DOCK1: variants seen among roughly 807,000 people sequenced by gnomAD.
DOCK1 encodes the protein dedicator of cytokinesis protein 1.
A neutral mutation model predicts 262.7 loss-of-function variants in DOCK1; 138 were observed. The observed-to-expected ratio is 0.53, with a 90% CI of 0.46 to 0.61. DOCK1 has a LOEUF of 0.61. DOCK1 is among the 20% of genes least tolerant of loss of function. The pLI is 0.00. For synonymous variants in DOCK1, 866 were observed against 867.4 expected (o/e 1.00, Z 0.03); for missense variants, 1,908 against 2,370.7 (o/e 0.80, Z 4.05).
intron 26 of DOCK1, 90 bp from the exon 27 acceptor site, chr10:127,127,579 T>A (rs982692527): frequency 2.9e-6 from 3 of 1,020,662 alleles, no homozygotes; most frequent in Non-Finnish European, 2.9e-6. Flanking sequence ...GATTTACTCT[T>A]TACAGGGTAA....
chr10:127,227,911 G>A (rs866307825), intron 27 of DOCK1, among the ~76,000 whole-genome samples: 4 of 152,274 alleles, frequency 2.6e-5, no homozygotes, highest in Middle Eastern at 3.4e-3. Flanking sequence ...GGACTAAGCT[G>A]AGAATAAATT....
intron 26 of DOCK1, among the ~76,000 whole-genome samples, chr10:127,126,584 T>C (rs2049977414): frequency 6.6e-6 from 1 of 151,902 alleles, no homozygotes. Flanking sequence ...AAAGAAAAAA[T>C]AAAAAGCAAG....
intron 27 of DOCK1, among the ~76,000 whole-genome samples, chr10:127,159,851 C>T (rs2053434661): frequency 6.6e-6 from 1 of 152,094 alleles, no homozygotes; most frequent in Non-Finnish European, 1.5e-5. Flanking sequence ...GCACCATGGC[C>T]ACGTCCTGGG....
At chr10:127,118,358 G>C (rs1282976435) in intron 25 of DOCK1, among the ~76,000 whole-genome samples, 1 of 151,998 alleles carries the variant, frequency 6.6e-6, no homozygotes, top group African/African-American at 2.4e-5. Flanking sequence ...TGATAAATGG[G>C]ACTCATTTGC....
intron 21 of DOCK1, among the ~76,000 whole-genome samples, chr10:127,051,125 G>A (rs2044695823): frequency 6.6e-6 from 1 of 151,880 alleles, no homozygotes; most frequent in African/African-American, 2.4e-5. Context: ...CAATTTTTGT[G>A]TATTCCAAAG....
intron 29 of DOCK1, among the ~76,000 whole-genome samples, chr10:127,261,809 G>GC (rs1184376408): frequency 1.5e-4 from 19 of 130,164 alleles, no homozygotes; most frequent in African/African-American, 5.1e-4. Flanking sequence ...ATGTGGGTGT[G>GC]GGTGTGTACC....
rs919029784 is a variant in DOCK1, at chr10:127,451,882, G to A, written c.*455G>A. 4.1e-5 allele frequency: 7 copies of A among 170,832 alleles called. No individual in the cohort carries two copies. Among genetic ancestry groups the A allele is most frequent in the African/African-American group, 1.7e-4 (7 of 41,984 alleles). The allele number at this position is 170,832 out of a possible 1,614,324, so 10.6% of individuals were successfully genotyped here. On this transcript the variant is annotated 3_prime_UTR_variant, in exon 52 of 52. Transcript: ENST00000623213. ...GGGATGTTGTATCCAGCCCCTCCTT[G>A]TTCCAGCCGGTGGTGTGACTTCGTT...
intron 28 of DOCK1, among the ~76,000 whole-genome samples, chr10:127,255,599 C>G (rs937273706): frequency 1.3e-5 from 2 of 152,150 alleles, no homozygotes; most frequent in African/African-American, 2.4e-5. Flanking sequence ...GGACGCCTTG[C>G]AGAACCTCAT....
chr10:127,238,702 G>C (rs557981303), intron 27 of DOCK1, among the ~76,000 whole-genome samples: 2 of 152,094 alleles, frequency 1.3e-5, no homozygotes, highest in African/African-American at 4.8e-5. Flanking sequence ...ACCACCTCCT[G>C]TGTCCTTTTG....
rs1175942298 is a variant in DOCK1 at position 127,361,106 on chromosome 10, CTTTTTTTTTTTT to C, written c.3284-944_3284-933del. Among the ~76,000 whole-genome samples the C allele has an allele frequency of 2.9e-4, 25 of 87,428 alleles. 1 individual carries two copies. In the South Asian group the frequency reaches 9.5e-3, roughly 33 times the overall value. The allele number at this position is 87,428 out of a possible 152,430, so 57.4% of individuals were successfully genotyped here. A position where few individuals can be genotyped will look rare whatever the true frequency, so the allele number is the denominator to read the frequency against. The stretch of plus-strand genomic sequence containing the variant: ...GTGAAATGAGATTAATAAAGTAGTT[CTTTTTTTTTTTT>C]TTTTTTTTTTTTTGAGACAGAGTCT... On this transcript the variant is annotated intron_variant, in intron 32 of 51. Coordinates refer to ENST00000623213, the MANE Select transcript of DOCK1 (RefSeq NM_001290223.2).
chr10:127,134,508 G>T (rs2050530558), intron 27 of DOCK1, among the ~76,000 whole-genome samples: 1 of 152,204 alleles, frequency 6.6e-6, no homozygotes. Flanking sequence ...AGGAGCAGAT[G>T]CAGGACTACA....
At chr10:127,168,587 C>T (rs2054288013) in intron 27 of DOCK1, among the ~76,000 whole-genome samples, 2 of 152,200 alleles carry the variant, frequency 1.3e-5, no homozygotes. Flanking sequence ...CTCCTCTCCT[C>T]AAAATTGGGC....
intron 27 of DOCK1, among the ~76,000 whole-genome samples, chr10:127,234,235 A>G (rs1476833321): frequency 6.6e-6 from 1 of 152,186 alleles, no homozygotes; most frequent in Non-Finnish European, 1.5e-5. Flanking sequence ...TAGAAAAGAC[A>G]ACACAAAAAT....
At position 127,069,027 on chromosome 10, in the gene DOCK1, A is replaced by G. The variant is rs139448472; in HGVS notation, c.2445+7251A>G. 1.5e-3 allele frequency among the ~76,000 whole-genome samples: 226 copies of G among 152,348 alleles called. 10 individuals carry two copies. The East Asian group carries it at 0.043, about 29-fold the overall frequency. On this transcript the variant is annotated intron_variant, in intron 23 of 51. Transcript: ENST00000623213. ...CTGTCTATGGCAAAGGCCTTGCTCC[A>G]TCTGGTTTGCTCTGAGGCATCCAGA...
chr10:127,291,616 C>T (rs915916283), intron 29 of DOCK1, among the ~76,000 whole-genome samples: 1 of 152,178 alleles, frequency 6.6e-6, no homozygotes, highest in African/African-American at 2.4e-5. Context: ...AGGAGAGTTG[C>T]TCACGGTCAG....
intron 1 of DOCK1, among the ~76,000 whole-genome samples, chr10:126,946,395 A>G (rs1230758457): frequency 6.6e-6 from 1 of 152,024 alleles, no homozygotes; most frequent in Admixed American, 6.6e-5. Context: ...AAAAATACAA[A>G]AATTAGCTGG....
chr10:127,422,413 C>T (rs912079943), intron 46 of DOCK1, among the ~76,000 whole-genome samples: 2 of 152,018 alleles, frequency 1.3e-5, no homozygotes, highest in Non-Finnish European at 2.9e-5. Flanking sequence ...GATCCGCCCA[C>T]CTCAGCCTCC....
chr10:127,029,185 G>A (rs998270691), intron 16 of DOCK1, among the ~76,000 whole-genome samples: 1 of 152,212 alleles, frequency 6.6e-6, no homozygotes, highest in Non-Finnish European at 1.5e-5. Flanking sequence ...CACAGCTTGT[G>A]GGATTTTGGA....
At chr10:127,269,381 G>A (rs1590210391) in intron 29 of DOCK1, among the ~76,000 whole-genome samples, 1 of 152,218 alleles carries the variant, frequency 6.6e-6, no homozygotes. Context: ...AGAGCACTTT[G>A]TACATGTATT....
Sources: allele counts gnomAD v4.1 joint callset (sites outside exome capture counted in the v4.1 genomes callset), GRCh38; gene constraint gnomAD v4.1.1; transcripts MANE v1.5; gene names NCBI Gene and HGNC (gene_info 2026-07-23, HGNC 2026-07-21).